The following DOC2A variants were observed in gnomAD, a reference collection of about 807,000 sequenced individuals.
DOC2A encodes double C2 domain alpha.
DOC2A carries 28 observed loss-of-function variants against 40.6 expected under a neutral mutation model. The observed-to-expected ratio is 0.69, with a 90% CI of 0.51 to 0.95. The LOEUF (loss-of-function observed/expected upper bound fraction) is 0.95, where lower values mean the gene tolerates loss of function less well. Among genes scored for constraint, DOC2A ranks in the 40% least tolerant of loss-of-function variants. DOC2A has a pLI of 0.00. For synonymous variants in DOC2A, 241 were observed against 236.9 expected (o/e 1.02, Z -0.16); for missense variants, 474 against 552.5 (o/e 0.86, Z 1.42).
chr16:30,022,246 C>CAAAA (rs60987861), upstream of DOC2A, among the ~76,000 whole-genome samples: 9 of 34,302 alleles, frequency 2.6e-4, no homozygotes, highest in Admixed American at 1.1e-3. Flanking sequence ...AACTCCATCT[C>CAAAA]AAAAAAAAAA....
rs766342824 is a variant in DOC2A at position 30,010,010 on chromosome 16, G to T, written c.213C>A (p.Thr71=). The T allele has an allele frequency of 4.3e-6, 7 of 1,612,090 alleles. No individual in the cohort carries two copies. Among genetic ancestry groups the T allele is most frequent in the East Asian group, 2.2e-5 (1 of 44,884 alleles). ...CCACCTCCGCACCATCCTCAGGCGT[G>T]GTGGCCCCAAGGAGGGCTGCAGGGG... is the stretch of plus-strand genomic sequence containing the variant. ...LAPPAALLGA[T]TPEDGAEVDS... is the part of the protein sequence containing the mutation. The change falls in exon 2 of 11, where the codon ACC becomes ACA. Residue 71 remains threonine, a synonymous_variant. Coordinates refer to ENST00000350119, the MANE Select transcript of DOC2A (RefSeq NM_003586.3). This position sits in a 1 kb window ranked among gnomAD's most constrained non-coding sequence, Gnocchi z 4.2.
In DOC2A at chr16:30,009,445, C is replaced by T. The variant is rs779655524; in HGVS notation, c.342+33G>A. On this transcript the variant is annotated intron_variant, in intron 3 of 10. Coordinates refer to ENST00000350119, the MANE Select transcript of DOC2A (RefSeq NM_003586.3). This position sits in a 1 kb window ranked among gnomAD's most constrained non-coding sequence, Gnocchi z 4.1. The stretch of plus-strand genomic sequence containing the variant: ...CCCCCTCTGGGGGCTGCACGCAAAC[C>T]GGGCCCGGGCTTGGGTGGCAGGGAG... 2.1e-5 allele frequency: 32 copies of T among 1,548,794 alleles called. No homozygotes were observed. The highest frequency in any genetic ancestry group is 9.5e-5 in the South Asian group (8 of 83,996).
Position 30,005,865 on chromosome 16 carries a change from G to C in DOC2A, c.*321C>G, listed in dbSNP as rs375613929. 1.2e-5 allele frequency: 6 copies of C among 488,360 alleles called. No homozygotes were observed. Among genetic ancestry groups the C allele is most frequent in the African/African-American group, 5.8e-5 (3 of 51,306 alleles). 30.3% of individuals were successfully genotyped at this position (488,360 alleles called of 1,614,324 possible). A position where few individuals can be genotyped will look rare whatever the true frequency, so the allele number is the denominator to read the frequency against. On this transcript the variant is annotated 3_prime_UTR_variant, in exon 11 of 11. Coordinates refer to ENST00000350119, the MANE Select transcript of DOC2A (RefSeq NM_003586.3). The stretch of plus-strand genomic sequence containing the variant: ...CCCTAATCCGACCTCCTCCCTGTTG[G>C]GGGAGAGGGACGGGGCAGCGTGGAG...
At position 30,009,171 on chromosome 16, in the gene DOC2A, T is replaced by TG; in HGVS notation, c.417+30dup. The TG allele has an allele frequency of 3.3e-6, 5 of 1,513,768 alleles. No individual in the cohort carries two copies. Among genetic ancestry groups the TG allele is most frequent in the Non-Finnish European group, 4.5e-6 (5 of 1,110,480 alleles). 93.8% of individuals were successfully genotyped at this position (1,513,768 alleles called of 1,614,324 possible). On this transcript the variant is annotated intron_variant, in intron 4 of 10. Transcript: ENST00000350119. This position sits in a 1 kb window ranked among gnomAD's most constrained non-coding sequence, Gnocchi z 4.1. ...AGCCCCACAGGCTGGAGTCATGGGC[T>TG]GGGCCGGGCGGGGCGAGAGGAGGCT... is the stretch of plus-strand genomic sequence containing the variant.
At position 30,009,280 on chromosome 16, in the gene DOC2A, G is replaced by C; in HGVS notation, c.343-4C>G. On this transcript the variant is annotated splice_region_variant and splice_polypyrimidine_tract_variant and intron_variant, in intron 3 of 10. Coordinates refer to ENST00000350119, the MANE Select transcript of DOC2A (RefSeq NM_003586.3). This position sits in a 1 kb window ranked among gnomAD's most constrained non-coding sequence, Gnocchi z 4.1. ...TGAAATCCATGGGCTTGAGGCCCTG[G>C]AGAGGAGGGCAGGGGAGAGGGCTAG... The C allele has an allele frequency of 6.4e-7, 1 of 1,555,944 alleles. No individual in the cohort carries two copies. Among genetic ancestry groups the C allele is most frequent in the South Asian group, 1.2e-5 (1 of 84,818 alleles).
rs370401881 is a variant in DOC2A at position 30,005,805 on chromosome 16, CT to C, written c.*380del. The C allele has an allele frequency of 1.0e-3, 448 of 442,492 alleles. 1 individual carries two copies. Among genetic ancestry groups the C allele is most frequent in the African/African-American group, 2.8e-3 (139 of 49,094 alleles). The allele number at this position is 442,492 out of a possible 1,614,324, so 27.4% of individuals were successfully genotyped here. On this transcript the variant is annotated 3_prime_UTR_variant, in exon 11 of 11. Coordinates refer to ENST00000350119, the MANE Select transcript of DOC2A (RefSeq NM_003586.3). Reference sequence around the variant, plus strand: ...AGTGGCTCTGGGTTTGTTTTTTGTCCTTTTTTTTTGAGACATTCTCCTCCTC... The same window carrying C: ...AGTGGCTCTGGGTTTGTTTTTTGTCCTTTTTTTTGAGACATTCTCCTCCTC...
chr16:30,006,732 A>G lies in DOC2A; in HGVS notation c.878+53T>C. On this transcript the variant is annotated intron_variant, in intron 8 of 10. Coordinates refer to ENST00000350119, the MANE Select transcript of DOC2A (RefSeq NM_003586.3). This position sits in a 1 kb window ranked among gnomAD's most constrained non-coding sequence, Gnocchi z 6.2. ...AGGGGTGAGGGACAGGCCAGGCCCA[A>G]CTCAGGCCAGGGCAGGCTCCCTGGG... 3 of 1,613,552 alleles carry G rather than the reference A, an allele frequency of 1.9e-6. No homozygotes were observed. Among genetic ancestry groups the G allele is most frequent in the Non-Finnish European group, 2.5e-6 (3 of 1,179,818 alleles).
In DOC2A at chr16:30,006,512, A is replaced by G. The variant is rs1040906785; in HGVS notation, c.961-3T>C. On this transcript the variant is annotated splice_region_variant and splice_polypyrimidine_tract_variant and intron_variant, in intron 9 of 10. Coordinates refer to ENST00000350119, the MANE Select transcript of DOC2A (RefSeq NM_003586.3). The surrounding 1 kb of genome is among the most constrained non-coding windows in gnomAD (Gnocchi z 6.2). ...AGCTCTATCTCGTAGAAAAACTCCT[A>G]GGGACAAGGCCGGCCACCCGTTCGT... 4 of 1,613,526 alleles carry G rather than the reference A, an allele frequency of 2.5e-6. No individual in the cohort carries two copies. The African/African-American group carries it at 5.3e-5, about 22-fold the overall frequency.
In DOC2A at chr16:30,006,520, G is replaced by A; in HGVS notation, c.961-11C>T. On this transcript the variant is annotated splice_polypyrimidine_tract_variant and intron_variant, in intron 9 of 10. Transcript: ENST00000350119. This position sits in a 1 kb window ranked among gnomAD's most constrained non-coding sequence, Gnocchi z 6.2. ...CTCGTAGAAAAACTCCTAGGGACAA[G>A]GCCGGCCACCCGTTCGTGAGCCAGC... 1.2e-6 allele frequency: 2 copies of A among 1,613,794 alleles called. No homozygotes were observed. Among genetic ancestry groups the A allele is most frequent in the Non-Finnish European group, 1.7e-6 (2 of 1,179,858 alleles).
Position 30,010,340 on chromosome 16 carries a change from C to A in DOC2A, c.-13-105G>T. 1 of 1,489,690 alleles carries A rather than the reference C, an allele frequency of 6.7e-7. No homozygotes were observed. Among genetic ancestry groups the A allele is most frequent in the Non-Finnish European group, 9.2e-7 (1 of 1,082,814 alleles). The allele number at this position is 1,489,690 out of a possible 1,614,324, so 92.3% of individuals were successfully genotyped here. On this transcript the variant is annotated intron_variant, in intron 1 of 10. Coordinates refer to ENST00000350119, the MANE Select transcript of DOC2A (RefSeq NM_003586.3). This position sits in a 1 kb window ranked among gnomAD's most constrained non-coding sequence, Gnocchi z 4.2. ...TGTGGGGCCCTCACTGGCCTCCCTT[C>A]CTAGGTGTCGAGGGAGAGGGTGGTG...
In DOC2A at chr16:30,005,672, G is replaced by A. The variant is rs1364223117; in HGVS notation, c.*514C>T. On this transcript the variant is annotated 3_prime_UTR_variant, in exon 11 of 11. Coordinates refer to ENST00000350119, the MANE Select transcript of DOC2A (RefSeq NM_003586.3). ...GGGACAGTTATTTAAACGAGTGGCC[G>A]GGAGCATCTGCCACCTGCTGGGGAG... 2.1e-5 allele frequency: 12 copies of A among 558,728 alleles called. No individual in the cohort carries two copies. Among genetic ancestry groups the A allele is most frequent in the Admixed American group, 1.1e-4 (3 of 27,604 alleles). 34.6% of individuals were successfully genotyped at this position (558,728 alleles called of 1,614,324 possible).
chr16:30,010,880 C>T lies in DOC2A; in HGVS notation c.-14+23G>A. On this transcript the variant is annotated intron_variant, in intron 1 of 10. Transcript: ENST00000350119. The surrounding 1 kb of genome is among the most constrained non-coding windows in gnomAD (Gnocchi z 4.2). ...CTTCCCCGCACCCTCACGCCCCCGG[C>T]CTGCCCAGCCCCCTGCACCTGCCTC... 1 of 1,005,030 alleles carries T rather than the reference C, an allele frequency of 9.9e-7. No individual in the cohort carries two copies. Among genetic ancestry groups the T allele is most frequent in the Non-Finnish European group, 1.2e-6 (1 of 840,928 alleles). The allele number at this position is 1,005,030 out of a possible 1,614,324, so 62.3% of individuals were successfully genotyped here.
chr16:30,010,551 G>C lies in DOC2A; in HGVS notation c.-13-316C>G, dbSNP rs1398932645. 2 of 422,502 alleles carry C rather than the reference G, an allele frequency of 4.7e-6. No homozygotes were observed. Among genetic ancestry groups the C allele is most frequent in the Admixed American group, 7.3e-5 (2 of 27,246 alleles). 26.2% of individuals were successfully genotyped at this position (422,502 alleles called of 1,614,324 possible). On this transcript the variant is annotated intron_variant, in intron 1 of 10. Transcript: ENST00000350119. The surrounding 1 kb of genome is among the most constrained non-coding windows in gnomAD (Gnocchi z 4.2). The stretch of plus-strand genomic sequence containing the variant: ...TTCCTCTCCTCCGGGGCTCCCCTCT[G>C]CTCCTGAGCCTGCCTGTCCCCCAAG...
upstream of DOC2A, chr16:30,011,323 CACTT>C (rs2070774873): frequency 1.0e-6 from 1 of 984,680 alleles, no homozygotes; most frequent in Non-Finnish European, 1.2e-6. Context: ...CGCGCTGGCA[CACTT>C]ACCCGGAGAA....
upstream of DOC2A, chr16:30,013,636 C>T (rs1282452474): frequency 9.8e-6 from 1 of 102,484 alleles, no homozygotes; most frequent in African/African-American, 3.8e-5. Context: ...AATCCTTAGA[C>T]CCAGAAATTC....
chr16:30,020,309 G>A (rs941938788), intron 1 of DOC2A, among the ~76,000 whole-genome samples: 1 of 152,144 alleles, frequency 6.6e-6, no homozygotes, highest in Non-Finnish European at 1.5e-5. Context: ...CTCCCAAAGT[G>A]CTGGGATCAT....
chr16:30,006,056 C>A lies in DOC2A; in HGVS notation c.*130G>T. 8 of 1,075,214 alleles carry A rather than the reference C, an allele frequency of 7.4e-6. No individual in the cohort carries two copies. The South Asian group carries it at 8.2e-5, about 11-fold the overall frequency. The allele number at this position is 1,075,214 out of a possible 1,614,324, so 66.6% of individuals were successfully genotyped here. On this transcript the variant is annotated 3_prime_UTR_variant, in exon 11 of 11. Coordinates refer to ENST00000350119, the MANE Select transcript of DOC2A (RefSeq NM_003586.3). This position sits in a 1 kb window ranked among gnomAD's most constrained non-coding sequence, Gnocchi z 6.2. The stretch of plus-strand genomic sequence containing the variant: ...CCCTCATGAGCAGACAGACCCGGGT[C>A]ACGGAGACTCACAAAAATAGGTAGT...
upstream of DOC2A, among the ~76,000 whole-genome samples, chr16:30,022,240 C>T (rs2070921350): frequency 9.6e-6 from 1 of 104,178 alleles, no homozygotes; most frequent in Admixed American, 1.2e-4. Flanking sequence ...GAGTGAAACT[C>T]CATCTCAAAA....
Position 30,010,979 on chromosome 16 carries a change from G to A in DOC2A, c.-90C>T, listed in dbSNP as rs891600349. On this transcript the variant is annotated 5_prime_UTR_variant, in exon 1 of 11. Transcript: ENST00000350119. The surrounding 1 kb of genome is among the most constrained non-coding windows in gnomAD (Gnocchi z 4.2). ...GGCGGCGGCGGCCGGCGAGGAGAGC[G>A]CGGAGTCGAGCTGTGCGAGCCGAGA... The A allele has an allele frequency of 1.0e-5, 10 of 1,003,206 alleles. No individual in the cohort carries two copies. Among genetic ancestry groups the A allele is most frequent in the Non-Finnish European group, 1.2e-5 (10 of 840,422 alleles). 62.1% of individuals were successfully genotyped at this position (1,003,206 alleles called of 1,614,324 possible). A position where few individuals can be genotyped will look rare whatever the true frequency, so the allele number is the denominator to read the frequency against.
Sources: gnomAD v4.1 joint callset for allele counts (sites outside exome capture counted in the v4.1 genomes callset) on GRCh38, gnomAD v4.1.1 for gene constraint, Gnocchi (gnomAD v3.1) non-coding constraint, MANE v1.5 for transcripts, NCBI Gene and HGNC (gene_info 2026-07-23, HGNC 2026-07-21) for gene names.